Variants in CFAP299 observed in about 807,000 individuals in gnomAD.
CFAP299 encodes the protein cilia and flagella associated protein 299, also known as cilia- and flagella-associated protein 299.
A neutral mutation model predicts 27.0 loss-of-function variants in CFAP299; 21 were observed. The ratio of observed to expected loss-of-function variants is 0.78; its 90% CI spans 0.55 to 1.12. CFAP299 has a LOEUF of 1.12. Ranked by LOEUF, CFAP299 falls within the 50% of genes most tolerant of loss-of-function variation. CFAP299 has a pLI of 0.00. For missense variants in CFAP299, 310 were observed against 276.6 expected, an observed-to-expected ratio of 1.12 and a Z score of -0.86; for synonymous variants, 104 against 98.1, an observed-to-expected ratio of 1.06 and a Z score of -0.36.
At chr4:80,825,179 A>G (rs1470689326) in intron 3 of CFAP299, among the ~76,000 whole-genome samples, 1 of 151,872 alleles carries the variant, frequency 6.6e-6, no homozygotes, top group Non-Finnish European at 1.5e-5. Context: ...AGAAGAGTGA[A>G]TCACTGAACT....
intron 3 of CFAP299, among the ~76,000 whole-genome samples, chr4:80,701,107 T>G (rs1402840024): frequency 6.6e-6 from 1 of 152,018 alleles, no homozygotes; most frequent in Admixed American, 6.6e-5. Flanking sequence ...TATTTTGCCT[T>G]CCATACTTTG....
intron 2 of CFAP299, among the ~76,000 whole-genome samples, chr4:80,558,979 TA>T (rs1303443297): frequency 6.6e-6 from 1 of 152,178 alleles, no homozygotes; most frequent in African/African-American, 2.4e-5. Context: ...ATTGCTGCAA[TA>T]AAACCACCTC....
At chr4:80,595,413 T>C (rs1000062458) in intron 3 of CFAP299, among the ~76,000 whole-genome samples, 1 of 152,248 alleles carries the variant, frequency 6.6e-6, no homozygotes, top group Non-Finnish European at 1.5e-5. Flanking sequence ...CAATTACCAT[T>C]CTTCCTCCTT....
intron 2 of CFAP299, among the ~76,000 whole-genome samples, chr4:80,580,012 G>T (rs1736085070): frequency 6.6e-6 from 1 of 152,030 alleles, no homozygotes; most frequent in Non-Finnish European, 1.5e-5. Context: ...AAACTCTTAG[G>T]AATTCTGTAG....
intron 3 of CFAP299, among the ~76,000 whole-genome samples, chr4:80,706,019 A>T (rs1368188319): frequency 6.6e-6 from 1 of 151,842 alleles, no homozygotes; most frequent in Non-Finnish European, 1.5e-5. Flanking sequence ...AATATTGATT[A>T]TGCAATAAAT....
At chr4:80,609,342 A>G (rs1737845182) in intron 3 of CFAP299, among the ~76,000 whole-genome samples, 2 of 152,078 alleles carry the variant, frequency 1.3e-5, no homozygotes, top group South Asian at 4.1e-4. Flanking sequence ...AAGAATCTTG[A>G]TAACTATGTC....
At chr4:80,658,984 T>C (rs1377426450) in intron 3 of CFAP299, among the ~76,000 whole-genome samples, 4 of 152,084 alleles carry the variant, frequency 2.6e-5, no homozygotes, top group African/African-American at 9.7e-5. Flanking sequence ...AGAAATAGTG[T>C]TTTTCTCTAC....
chr4:80,935,106 C>T (rs1736822601), intron 4 of CFAP299, among the ~76,000 whole-genome samples: 1 of 151,748 alleles, frequency 6.6e-6, no homozygotes, highest in African/African-American at 2.4e-5. Flanking sequence ...TTTTATTTAG[C>T]TTTTGGTTTC....
At chr4:80,883,257 C>T (rs551313552) in intron 4 of CFAP299, among the ~76,000 whole-genome samples, 113 of 151,984 alleles carry the variant, frequency 7.4e-4, no homozygotes, top group Non-Finnish European at 1.1e-3. Context: ...CATATATTAG[C>T]CTCACGGTAA....
Position 80,734,753 on chromosome 4 carries a change from A to G in CFAP299, c.334-135240A>G, listed in dbSNP as rs1027844682. Among the ~76,000 whole-genome samples the G allele has an allele frequency of 2.0e-5, 3 of 152,002 alleles. No individual in the cohort carries two copies. The East Asian group carries it at 5.8e-4, about 29-fold the overall frequency. The stretch of plus-strand genomic sequence containing the variant: ...TCCCCCATTGTACGTTTTTGGCACT[A>G]TTGGTGAAAAGGAGTTCACTGTAGT... On this transcript the variant is annotated intron_variant, in intron 3 of 5. Transcript: ENST00000358105.
chr4:80,816,849 A>G (rs1034070026), intron 3 of CFAP299, among the ~76,000 whole-genome samples: 15 of 152,118 alleles, frequency 9.9e-5, no homozygotes, highest in African/African-American at 3.6e-4. Context: ...GAGCTTTAAA[A>G]AAAATGCAAG....
chr4:80,830,320 C>G (rs72881530), intron 3 of CFAP299, among the ~76,000 whole-genome samples: 2 of 151,936 alleles, frequency 1.3e-5, no homozygotes, highest in Non-Finnish European at 2.9e-5. Context: ...GGGAACAGGT[C>G]CCTTTACAAG....
At chr4:80,751,915 T>C (rs1182576489) in intron 3 of CFAP299, among the ~76,000 whole-genome samples, 6 of 152,098 alleles carry the variant, frequency 3.9e-5, no homozygotes, top group Admixed American at 6.5e-5. Flanking sequence ...TATGGACGGA[T>C]GTATTTCCTG....
chr4:80,540,244 G>A (rs1179649517), intron 2 of CFAP299, among the ~76,000 whole-genome samples: 1 of 152,122 alleles, frequency 6.6e-6, no homozygotes, highest in African/African-American at 2.4e-5. Context: ...GGTATGCAGT[G>A]AATTTCTGGA....
At chr4:80,514,292 A>G (rs1732469050) in intron 2 of CFAP299, among the ~76,000 whole-genome samples, 1 of 152,068 alleles carries the variant, frequency 6.6e-6, no homozygotes, top group Non-Finnish European at 1.5e-5. Flanking sequence ...AGGGATCGAT[A>G]TTGCTCTTTG....
chr4:80,749,966 C>T (rs1724841320), intron 3 of CFAP299, among the ~76,000 whole-genome samples: 1 of 152,120 alleles, frequency 6.6e-6, no homozygotes. Flanking sequence ...GTACCTGATA[C>T]TTGGTAAGTG....
intron 2 of CFAP299, among the ~76,000 whole-genome samples, chr4:80,367,183 G>A (rs548202282): frequency 6.6e-6 from 1 of 152,284 alleles, no homozygotes; most frequent in Admixed American, 6.5e-5. Context: ...CACCTTAAAA[G>A]TGTGAATTTA....
chr4:80,398,615 T>C (rs1258765237), intron 2 of CFAP299, among the ~76,000 whole-genome samples: 1 of 73,202 alleles, frequency 1.4e-5, no homozygotes, highest in Admixed American at 1.8e-4. Flanking sequence ...AATAAATGGT[T>C]CTGGGAAAAC....
At chr4:80,764,125 T>A (rs768015938) in intron 3 of CFAP299, among the ~76,000 whole-genome samples, 1 of 152,008 alleles carries the variant, frequency 6.6e-6, no homozygotes. Context: ...AGTAAAGAGC[T>A]TCTACACAGC....
Sources: allele counts gnomAD v4.1 joint callset (sites outside exome capture counted in the v4.1 genomes callset), GRCh38; gene constraint gnomAD v4.1.1; transcripts MANE v1.5; gene names NCBI Gene and HGNC (gene_info 2026-07-23, HGNC 2026-07-21).